The following KCTD1 variants were observed in gnomAD, a reference collection of about 807,000 sequenced individuals.
KCTD1 encodes the protein BTB/POZ domain-containing protein KCTD1.
In KCTD1, 24 loss-of-function variants were observed where a neutral mutation model predicts 66.0. The ratio of observed to expected loss-of-function variants is 0.36; its 90% CI spans 0.26 to 0.51. The LOEUF is 0.51. Among genes scored for constraint, KCTD1 ranks in the 20% least tolerant of loss-of-function variants. The pLI, the probability that KCTD1 is intolerant of heterozygous loss-of-function variation, is 0.95. For missense variants in KCTD1, 943 were observed against 1,205.2 expected (o/e 0.78, Z 3.22); for synonymous variants, 511 against 517.2 (o/e 0.99, Z 0.16).
At chr18:26,619,352 T>C (rs980831200) in intron 1 of KCTD1, among the ~76,000 whole-genome samples, 2 of 152,232 alleles carry the variant, frequency 1.3e-5, no homozygotes, top group East Asian at 3.8e-4. Context: ...ATGTTCACTT[T>C]TGGCAATAGA....
upstream of KCTD1, among the ~76,000 whole-genome samples, chr18:26,629,610 C>A (rs553834545): frequency 2.6e-5 from 4 of 152,154 alleles, no homozygotes; most frequent in Non-Finnish European, 4.4e-5. Flanking sequence ...TACATTGCAA[C>A]CTCAAAGATG....
At chr18:26,569,106 G>A (rs1422741377) in intron 1 of KCTD1, among the ~76,000 whole-genome samples, 4 of 152,176 alleles carry the variant, frequency 2.6e-5, no homozygotes, top group Non-Finnish European at 4.4e-5. Flanking sequence ...TTTGTATGGT[G>A]TGTTAGAGGT....
At chr18:26,529,153 C>T (rs1984314853) in intron 1 of KCTD1, among the ~76,000 whole-genome samples, 1 of 152,184 alleles carries the variant, frequency 6.6e-6, no homozygotes, top group South Asian at 2.1e-4. Flanking sequence ...TGTTTCCACA[C>T]ACAGCACTAG....
chr18:26,578,433 T>C (rs1454981835), intron 1 of KCTD1, among the ~76,000 whole-genome samples: 1 of 152,250 alleles, frequency 6.6e-6, no homozygotes, highest in Non-Finnish European at 1.5e-5. Flanking sequence ...TATTTGCTCC[T>C]ATTTATATTC....
At position 26,476,533 on chromosome 18, in the gene KCTD1, G is replaced by A. The variant is rs1981356479; in HGVS notation, c.2115C>T (p.Leu705=). 2 of 1,612,608 alleles carry A rather than the reference G, an allele frequency of 1.2e-6. No homozygotes were observed. Among genetic ancestry groups the A allele is most frequent in the Non-Finnish European group, 8.5e-7 (1 of 1,179,562 alleles). The change falls in exon 3 of 5, where the codon CTC becomes CTT. Residue 705 remains leucine, a synonymous_variant. Coordinates refer to ENST00000580059, the MANE Select transcript of KCTD1 (RefSeq NM_001142730.3). The surrounding 1 kb of genome is among the most constrained non-coding windows in gnomAD (Gnocchi z 4.9). The stretch of plus-strand genomic sequence containing the variant: ...CCCTCACCTTGAAATCATCAGGAAT[G>A]AGGAGTTTGGATGTTCGTAGAAAAT... ...ILNFLRTSKL[L]IPDDFKDYTL...
At chr18:26,579,945 T>A (rs533739254) in intron 1 of KCTD1, among the ~76,000 whole-genome samples, 11 of 152,290 alleles carry the variant, frequency 7.2e-5, no homozygotes, top group African/African-American at 2.2e-4. Flanking sequence ...TTTTGCCTCA[T>A]CTCTATCTAC....
At chr18:26,570,831 C>G (rs546199246) in intron 1 of KCTD1, among the ~76,000 whole-genome samples, 2 of 152,202 alleles carry the variant, frequency 1.3e-5, no homozygotes, top group Non-Finnish European at 2.9e-5. Flanking sequence ...TCAGAGATGT[C>G]TATACCCTGA....
chr18:26,533,135 T>C (rs558990173), intron 1 of KCTD1, among the ~76,000 whole-genome samples: 16 of 152,278 alleles, frequency 1.1e-4, no homozygotes, highest in South Asian at 2.1e-4. Context: ...TACACAGATG[T>C]TAGTTATTGG....
chr18:26,636,017 T>G (rs1217543385), intron 1 of KCTD1, among the ~76,000 whole-genome samples: 3 of 152,056 alleles, frequency 2.0e-5, no homozygotes, highest in African/African-American at 7.2e-5. Context: ...GTTATGGGGT[T>G]GGGGCTTGTG....
intron 1 of KCTD1, among the ~76,000 whole-genome samples, chr18:26,620,076 C>T (rs115290195): frequency 2.6e-5 from 4 of 152,044 alleles, no homozygotes; most frequent in Non-Finnish European, 4.4e-5. Context: ...TCTCTGAACT[C>T]CTCGAGGGCA....
intron 1 of KCTD1, among the ~76,000 whole-genome samples, chr18:26,563,685 T>A (rs983014071): frequency 2.6e-5 from 4 of 152,260 alleles, no homozygotes; most frequent in Non-Finnish European, 4.4e-5. Context: ...CTGCCACTTA[T>A]GTGTTGTGTG....
At chr18:26,642,814 A>G (rs553364671), upstream of KCTD1, among the ~76,000 whole-genome samples, 6 of 146,398 alleles carry the variant, frequency 4.1e-5, no homozygotes, top group South Asian at 6.6e-4. Flanking sequence ...CATTTTGAAA[A>G]GGCGTAAGAA....
At chr18:26,649,501 T>C (rs9965005) in intron 1 of KCTD1, among the ~76,000 whole-genome samples, 4,277 of 151,998 alleles carry the variant, frequency 0.028, 214 homozygotes, top group African/African-American at 0.099. Flanking sequence ...CAAAGACAGC[T>C]TTTTTGTTTT....
intron 1 of KCTD1, among the ~76,000 whole-genome samples, chr18:26,569,119 C>T (rs944249005): frequency 1.3e-5 from 2 of 152,092 alleles, no homozygotes; most frequent in Non-Finnish European, 2.9e-5. Flanking sequence ...TTAGAGGTTA[C>T]AAAGCACTTT....
intron 1 of KCTD1, among the ~76,000 whole-genome samples, chr18:26,619,344 G>A (rs1193406995): frequency 6.6e-6 from 1 of 152,096 alleles, no homozygotes; most frequent in East Asian, 1.9e-4. Context: ...AAGAATGTAT[G>A]TTCACTTTTG....
intron 2 of KCTD1, among the ~76,000 whole-genome samples, chr18:26,485,637 A>AT (rs938255797): frequency 9.2e-5 from 14 of 151,928 alleles, no homozygotes; most frequent in Non-Finnish European, 1.6e-4. Context: ...CCAATTTAGT[A>AT]TTTTTTTCAG....
intron 1 of KCTD1, among the ~76,000 whole-genome samples, chr18:26,578,061 T>C (rs868737919): frequency 6.1e-4 from 89 of 145,078 alleles, no homozygotes; most frequent in South Asian, 6.0e-3. Flanking sequence ...TTCTTTCTTT[T>C]TTTTTTTTTT....
At chr18:26,489,050 C>T (rs1598891890) in intron 2 of KCTD1, among the ~76,000 whole-genome samples, 1 of 152,162 alleles carries the variant, frequency 6.6e-6, no homozygotes, top group African/African-American at 2.4e-5. Flanking sequence ...GACTCTCATC[C>T]CCTGCTCGGA....
intron 1 of KCTD1, among the ~76,000 whole-genome samples, chr18:26,646,584 T>C (rs1987930314): frequency 6.6e-6 from 1 of 152,118 alleles, no homozygotes; most frequent in African/African-American, 2.4e-5. Context: ...AACTCAGCTA[T>C]ATGAACACTT....
Sources: gnomAD v4.1 joint callset for allele counts (sites outside exome capture counted in the v4.1 genomes callset) on GRCh38, gnomAD v4.1.1 for gene constraint, Gnocchi (gnomAD v3.1) non-coding constraint, MANE v1.5 for transcripts, NCBI Gene and HGNC (gene_info 2026-07-23, HGNC 2026-07-21) for gene names.